Variants in BEST3 observed in about 807,000 individuals in gnomAD.
BEST3 encodes bestrophin 3, also known as bestrophin-3.
A neutral mutation model predicts 47.1 loss-of-function variants in BEST3; 50 were observed. That is an observed-to-expected ratio of 1.06 (90% confidence interval 0.85 to 1.34). The LOEUF is 1.34. BEST3 is among the 40% of genes most tolerant of loss of function. The pLI is 0.00. For synonymous variants in BEST3, 282 were observed against 298.8 expected (o/e 0.94, Z 0.58); for missense variants, 765 against 817.0 (o/e 0.94, Z 0.78).
intron 4 of BEST3, chr12:69,683,357 C>T (rs916928142): frequency 2.3e-4 from 35 of 152,280 alleles, no homozygotes; most frequent in African/African-American, 8.4e-4. Context: ...TTTTGTTATT[C>T]CTTGCAGGGT....
chr12:69,686,779 C>CAAAAAAAAAAAAAA (rs71094728), intron 4 of BEST3, among the ~76,000 whole-genome samples: 3 of 99,380 alleles, frequency 3.0e-5, no homozygotes, highest in Non-Finnish European at 3.9e-5. Flanking sequence ...CTCAAAAAAA[C>CAAAAAAAAAAAAAA]AAAAAAAAAA....
intron 2 of BEST3, among the ~76,000 whole-genome samples, chr12:69,694,971 T>C (rs1886078522): frequency 6.6e-6 from 1 of 152,202 alleles, no homozygotes; most frequent in African/African-American, 2.4e-5. Flanking sequence ...TTATAACTGT[T>C]CATTTTAAAG....
chr12:69,666,718 G>C (rs1453765763), intron 9 of BEST3, among the ~76,000 whole-genome samples: 1 of 152,118 alleles, frequency 6.6e-6, no homozygotes, highest in East Asian at 1.9e-4. Flanking sequence ...TCTGTCCCTG[G>C]ACTCACTGCA....
intron 7 of BEST3, among the ~76,000 whole-genome samples, chr12:69,675,839 G>T (rs710719): frequency 6.6e-6 from 1 of 151,930 alleles, no homozygotes; most frequent in African/African-American, 2.4e-5. Context: ...GAAAGGAAAG[G>T]CTTCTGCAGG....
chr12:69,650,034 GACAAA>G (rs1379064998), downstream of BEST3, among the ~76,000 whole-genome samples: 1 of 152,180 alleles, frequency 6.6e-6, no homozygotes, highest in Non-Finnish European at 1.5e-5. Context: ...TTAACTCAGA[GACAAA>G]ACAAAATAAA....
chr12:69,668,386 C>T (rs533732208), intron 9 of BEST3, among the ~76,000 whole-genome samples: 1 of 152,290 alleles, frequency 6.6e-6, no homozygotes, highest in South Asian at 2.1e-4. Context: ...AAATGTAATG[C>T]TTGTGTCTAC....
chr12:69,643,886 G>A, intron 9 of BEST3: 2 of 534,982 alleles, frequency 3.7e-6, no homozygotes, highest in South Asian at 2.9e-5. Flanking sequence ...ATTCACATAG[G>A]CCACCACACA....
intron 8 of BEST3, 56 bp from the exon 9 acceptor site, chr12:69,671,635 G>A: frequency 3.8e-6 from 6 of 1,576,090 alleles, no homozygotes; most frequent in Non-Finnish European, 4.4e-6. Context: ...ATAAAAAGGA[G>A]AAGTTTTTTT....
chr12:69,670,552 A>G (rs757230586), intron 9 of BEST3: 34 of 702,742 alleles, frequency 4.8e-5, no homozygotes, highest in Admixed American at 6.0e-5. Flanking sequence ...ACATTCGGCA[A>G]AGGGAACAGG....
downstream of BEST3, among the ~76,000 whole-genome samples, chr12:69,649,168 A>G (rs1332531936): frequency 6.6e-6 from 1 of 152,024 alleles, no homozygotes; most frequent in Non-Finnish European, 1.5e-5. Flanking sequence ...TAATTTTTGT[A>G]CTTTTTTTTA....
At chr12:69,691,281 A>G (rs1885913769) in intron 4 of BEST3, among the ~76,000 whole-genome samples, 1 of 152,192 alleles carries the variant, frequency 6.6e-6, no homozygotes, top group Non-Finnish European at 1.5e-5. Flanking sequence ...TATGGGATAT[A>G]TGAGGTAGGT....
At chr12:69,686,011 G>A (rs1199433774) in intron 4 of BEST3, among the ~76,000 whole-genome samples, 12 of 151,948 alleles carry the variant, frequency 7.9e-5, no homozygotes, top group African/African-American at 2.7e-4. Flanking sequence ...TGTCTGTTCC[G>A]GGCTCATCAT....
At chr12:69,665,251 T>A (rs367994780) in intron 9 of BEST3, among the ~76,000 whole-genome samples, 9 of 104,368 alleles carry the variant, frequency 8.6e-5, no homozygotes, top group South Asian at 3.1e-4. Context: ...AGTGGACAGC[T>A]CTACAGCGAA....
chr12:69,682,710 G>A (rs1885328805), intron 4 of BEST3, among the ~76,000 whole-genome samples: 1 of 152,114 alleles, frequency 6.6e-6, no homozygotes, highest in African/African-American at 2.4e-5. Context: ...CTGAGTAGCT[G>A]GGTCTACTGG....
Position 69,655,660 on chromosome 12 carries a change from A to T in BEST3, c.1254T>A (p.Ser418Arg). Reference protein sequence around the residue: ...PRRRSYRRQTSDSSMFLPRDD... With the variant: ...PRRRSYRRQTRDSSMFLPRDD... ...CTCGGGGTAAGAACATGGAGCTGTC[A>T]CTTGTCTGCCTCCTGTAGCTTCTTC... Residue 418 changes from serine to arginine, a missense_variant, in exon 10 of 10, where the codon AGT becomes AGA. By Grantham distance (110) the Ser-to-Arg change is moderately radical. Transcript: ENST00000330891. The T allele has an allele frequency of 6.2e-6, 10 of 1,613,934 alleles. No homozygotes were observed. Among genetic ancestry groups the T allele is most frequent in the Non-Finnish European group, 7.6e-6 (9 of 1,179,980 alleles).
intron 4 of BEST3, among the ~76,000 whole-genome samples, chr12:69,686,771 C>CAAAAAAAA (rs1555208491): frequency 1.0e-3 from 50 of 49,908 alleles, no homozygotes; most frequent in South Asian, 1.8e-3. Flanking sequence ...GATTCTGCCT[C>CAAAAAAAA]AAAAAAACAA....
At position 69,664,120 on chromosome 12, in the gene BEST3, T is replaced by G. The variant is rs377546995; in HGVS notation, c.1100+7308A>C. ...ACTGCATTCAGATTTTTAACTGGCCTTTTTTCATTTGGAGTGTTGATTTTG... is the reference window on the plus strand; with the variant it reads ...ACTGCATTCAGATTTTTAACTGGCCGTTTTTCATTTGGAGTGTTGATTTTG... On this transcript the variant is annotated intron_variant, in intron 9 of 9. Transcript: ENST00000330891. Among the ~76,000 whole-genome samples the G allele has an allele frequency of 9.8e-5, 15 of 152,334 alleles. No individual in the cohort carries two copies. The East Asian group carries it at 1.5e-3, about 16-fold the overall frequency.
At chr12:69,660,543 T>C (rs997671515) in intron 9 of BEST3, 3 of 152,106 alleles carry the variant, frequency 2.0e-5, no homozygotes, top group African/African-American at 7.2e-5. Context: ...GCTCCAATGG[T>C]GAAAATTGTG....
rs1429818186 is a variant in BEST3, at chr12:69,697,659, C to G, written c.140G>C (p.Ser47Thr). The G allele has an allele frequency of 1.3e-6, 2 of 1,596,112 alleles. No homozygotes were observed. The highest frequency in any genetic ancestry group is 1.7e-6 in the Non-Finnish European group (2 of 1,172,298). The change falls in exon 2 of 10, where the codon AGT (serine) becomes ACT (threonine). Residue 47 changes from serine (S) to threonine (T), a missense_variant. Physicochemically the swap from Ser to Thr is moderately conservative, Grantham distance 58. Coordinates refer to ENST00000330891, the MANE Select transcript of BEST3 (RefSeq NM_032735.3). ...IVFAVLYTAI[S>T]LVYRLLLTGV... Reference sequence around the variant, plus strand: ...TAAAGAAAAGTACCTGTATACCAAACTTATTGCTGTATAAAGAACAGCAAA... The same window carrying G: ...TAAAGAAAAGTACCTGTATACCAAAGTTATTGCTGTATAAAGAACAGCAAA...
Sources: allele counts gnomAD v4.1 joint callset (sites outside exome capture counted in the v4.1 genomes callset), GRCh38; gene constraint gnomAD v4.1.1; transcripts MANE v1.5; gene names NCBI Gene and HGNC (gene_info 2026-07-23, HGNC 2026-07-21).